Variants in ASIC1 observed in about 807,000 individuals in gnomAD.
ASIC1 encodes acid sensing ion channel subunit 1.
In ASIC1, 21 loss-of-function variants were observed where a neutral mutation model predicts 63.4. The ratio of observed to expected loss-of-function variants is 0.33; its 90% CI spans 0.23 to 0.48. The LOEUF (loss-of-function observed/expected upper bound fraction) is 0.48. Among genes scored for constraint, ASIC1 ranks in the 20% least tolerant of loss-of-function variants. The pLI, the probability that ASIC1 is intolerant of heterozygous loss-of-function variation, is 0.99. For missense variants in ASIC1, 478 were observed against 695.5 expected (o/e 0.69, Z 3.52); for synonymous variants, 258 against 278.2 (o/e 0.93, Z 0.72).
intron 1 of ASIC1, among the ~76,000 whole-genome samples, chr12:50,058,243 C>T (rs1348530843): frequency 6.6e-6 from 1 of 152,176 alleles, no homozygotes; most frequent in Non-Finnish European, 1.5e-5. Flanking sequence ...AGGCTGGGCC[C>T]CTCCCTAGAT....
chr12:50,079,079 C>T (rs1323584912), intron 7 of ASIC1, 99 bp downstream of exon 7: 3 of 1,215,876 alleles, frequency 2.5e-6, no homozygotes, highest in Non-Finnish European at 3.6e-6. Context: ...CCTCACATAA[C>T]TCCTGGACTG....
chr12:50,081,851 A>C lies in ASIC1; in HGVS notation c.*202A>C. The C allele has an allele frequency of 3.4e-6, 2 of 583,328 alleles. No individual in the cohort carries two copies. Among genetic ancestry groups the C allele is most frequent in the South Asian group, 2.1e-5 (1 of 46,638 alleles). The allele number at this position is 583,328 out of a possible 1,614,324, so 36.1% of individuals were successfully genotyped here. ...ATTCTTTTTACATTTAACAAAACTA[A>C]TCTAAAAAAGAACTAAAAAGGGAGA... On this transcript the variant is annotated 3_prime_UTR_variant, in exon 12 of 12. Coordinates refer to ENST00000447966, the MANE Select transcript of ASIC1 (RefSeq NM_001095.4).
chr12:50,058,630 G>A, intron 1 of ASIC1, 121 bp from the exon 2 acceptor site: 1 of 1,301,894 alleles, frequency 7.7e-7, no homozygotes. Flanking sequence ...AAGCAGGGAA[G>A]TCTTCTGCCC....
chr12:50,059,590 C>T lies in ASIC1; in HGVS notation c.363-169C>T, dbSNP rs547015927. Among the ~76,000 whole-genome samples, 24 of 152,300 alleles carry T rather than the reference C, an allele frequency of 1.6e-4. No individual in the cohort carries two copies. Among genetic ancestry groups the T allele is most frequent in the Non-Finnish European group, 2.4e-4 (16 of 68,026 alleles). ...CTGCCCCTGGGCAGCCACTACAGTT[C>T]CTCCTGTCATTTCAGACCCATGTGG... is the stretch of plus-strand genomic sequence containing the variant. On this transcript the variant is annotated intron_variant, in intron 2 of 11. Coordinates refer to ENST00000447966, the MANE Select transcript of ASIC1 (RefSeq NM_001095.4). The surrounding 1 kb of genome is among the most constrained non-coding windows in gnomAD (Gnocchi z 4.6).
At position 50,078,594 on chromosome 12, in the gene ASIC1, C is replaced by A; in HGVS notation, c.994+17C>A. The A allele has an allele frequency of 6.2e-7, 1 of 1,613,518 alleles. No homozygotes were observed. Among genetic ancestry groups the A allele is most frequent in the South Asian group, 1.1e-5 (1 of 91,068 alleles). Reference sequence around the variant, plus strand: ...ACATGCCAGGTCAGGCCTGGGGCTCCGAGCATACTCCTGGGGTCCCTGGGC... The same window carrying A: ...ACATGCCAGGTCAGGCCTGGGGCTCAGAGCATACTCCTGGGGTCCCTGGGC... On this transcript the variant is annotated intron_variant, in intron 6 of 11. Coordinates refer to ENST00000447966, the MANE Select transcript of ASIC1 (RefSeq NM_001095.4). The surrounding 1 kb of genome is among the most constrained non-coding windows in gnomAD (Gnocchi z 6.0).
intron 3 of ASIC1, among the ~76,000 whole-genome samples, chr12:50,075,209 G>C (rs1357308904): frequency 1.3e-5 from 2 of 152,142 alleles, no homozygotes; most frequent in Non-Finnish European, 2.9e-5. Flanking sequence ...GGGGCAGGGG[G>C]TGTCATCATA....
Position 50,059,930 on chromosome 12 carries a change from C to T in ASIC1, c.534C>T (p.Val178=). 6.2e-7 allele frequency: 1 copy of T among 1,614,064 alleles called. No homozygotes were observed. The highest frequency in any genetic ancestry group is 8.5e-7 in the Non-Finnish European group (1 of 1,180,002). ...TCTCCTGCCACTTCCGGGGGGAGGT[C>T]TGCAGCGCTGAAGACTTCAAGGTGG... is the stretch of plus-strand genomic sequence containing the variant. ...MLLSCHFRGE[V]CSAEDFKVVF... The change falls in exon 3 of 12, where the codon GTC becomes GTT. Residue 178 remains valine (V), a synonymous_variant. Transcript: ENST00000447966. This position sits in a 1 kb window ranked among gnomAD's most constrained non-coding sequence, Gnocchi z 4.6.
rs776423028 is a variant in ASIC1 at position 50,081,290 on chromosome 12, A to G, written c.1408A>G (p.Lys470Glu). Residue 470 changes from lysine to glutamate, a missense_variant, in exon 11 of 12, where the codon AAA becomes GAA. Transcript: ENST00000447966. ...TAAGCACAAGCTGTGCCGACGAGGA[A>G]AATGCCAGAAGGAGGCCAAAAGGAG... ...VIKHKLCRRG[K>E]CQKEAKRSSA... The G allele has an allele frequency of 2.5e-6, 4 of 1,610,324 alleles. No individual in the cohort carries two copies. The South Asian group carries it at 3.3e-5, about 13-fold the overall frequency.
At chr12:50,080,163 C>T (rs2137849409) in intron 8 of ASIC1, 108 bp downstream of exon 8, 1 of 1,442,110 alleles carries the variant, frequency 6.9e-7, no homozygotes, top group Non-Finnish European at 9.3e-7. Context: ...CTTGAGATAA[C>T]ACGGGGAAGG....
intron 3 of ASIC1, among the ~76,000 whole-genome samples, chr12:50,076,466 C>A (rs1428817584): frequency 3.4e-4 from 50 of 145,204 alleles, no homozygotes; most frequent in South Asian, 4.4e-4. Context: ...GACTCCATCC[C>A]AAAAAAAAAA....
At chr12:50,079,831 G>T in intron 7 of ASIC1, 71 bp from the exon 8 acceptor site, 1 of 1,524,618 alleles carries the variant, frequency 6.6e-7, no homozygotes, top group Admixed American at 2.0e-5. Context: ...GGCAGAGCTA[G>T]GATGTGCATG....
At chr12:50,073,707 G>C in intron 3 of ASIC1, 1 of 1,536,582 alleles carries the variant, frequency 6.5e-7, no homozygotes, top group Middle Eastern at 1.7e-4. Flanking sequence ...AATCGGAAGA[G>C]GAGGAAGAAG....
chr12:50,072,363 C>T (rs1307712285), intron 3 of ASIC1, among the ~76,000 whole-genome samples: 1 of 152,214 alleles, frequency 6.6e-6, no homozygotes, highest in Non-Finnish European at 1.5e-5. Context: ...CTTCTTGGCC[C>T]TGGAGACTTG....
At chr12:50,064,794 G>C (rs1157240360) in intron 3 of ASIC1, among the ~76,000 whole-genome samples, 1 of 152,250 alleles carries the variant, frequency 6.6e-6, no homozygotes, top group East Asian at 1.9e-4. Context: ...TCTGGGGATA[G>C]CGAGGGAGAC....
At position 50,079,898 on chromosome 12, in the gene ASIC1, G is replaced by T. The variant is rs575174823; in HGVS notation, c.1052-4G>T. The T allele has an allele frequency of 3.8e-6, 6 of 1,599,792 alleles. No individual in the cohort carries two copies. In the South Asian group the frequency reaches 5.7e-5, roughly 15 times the overall value. ...ACTGAGACCTCTCACCTGGCTGAGT[G>T]CAGACTTCCTGGTGGAGAAGGACCA... On this transcript the variant is annotated splice_polypyrimidine_tract_variant and splice_region_variant and intron_variant, in intron 7 of 11. Transcript: ENST00000447966.
intron 3 of ASIC1, among the ~76,000 whole-genome samples, chr12:50,072,501 C>T (rs1950609627): frequency 6.6e-6 from 1 of 152,046 alleles, no homozygotes; most frequent in African/African-American, 2.4e-5. Context: ...CGGGAGTCTG[C>T]AAGGCTGAGG....
In ASIC1 at chr12:50,058,804, T is replaced by C. The variant is rs1592263193; in HGVS notation, c.38T>C (p.Val13Ala). ...GCCGAGGAGGAGGAGGTGGGTGGCG[T>C]CCAGCCGGTGAGCATCCAGGCCTTC... ...LKAEEEEVGGVQPVSIQAFAS... is the reference protein window; with the variant it reads ...LKAEEEEVGGAQPVSIQAFAS... The change falls in exon 2 of 12, where the codon GTC becomes GCC. Residue 13 changes from valine (V) to alanine (A), a missense_variant. By Grantham distance (64) the Val-to-Ala change is moderately conservative. Coordinates refer to ENST00000447966, the MANE Select transcript of ASIC1 (RefSeq NM_001095.4). 1 of 1,598,616 alleles carries C rather than the reference T, an allele frequency of 6.3e-7. No individual in the cohort carries two copies. The highest frequency in any genetic ancestry group is 8.6e-7 in the Non-Finnish European group (1 of 1,169,140).
In ASIC1 at chr12:50,075,424, G is replaced by T. The variant is rs147965373; in HGVS notation, c.559-1789G>T. On this transcript the variant is annotated intron_variant, in intron 3 of 11. Coordinates refer to ENST00000447966, the MANE Select transcript of ASIC1 (RefSeq NM_001095.4). Reference sequence around the variant, plus strand: ...CCGGCGCAAGACAGGGCTGCTAGCCGGCCTCAGACACCTCTAATCCCATAC... The same window carrying T: ...CCGGCGCAAGACAGGGCTGCTAGCCTGCCTCAGACACCTCTAATCCCATAC... 4.6e-5 allele frequency among the ~76,000 whole-genome samples: 7 copies of T among 152,312 alleles called. No homozygotes were observed. The East Asian group carries it at 1.4e-3, about 29-fold the overall frequency.
rs1197300695 is a variant in ASIC1, at chr12:50,083,171, C to T, written c.*1522C>T. 6.6e-6 allele frequency: 1 copy of T among 152,270 alleles called. No homozygotes were observed. The highest frequency in any genetic ancestry group is 2.4e-5 in the African/African-American group (1 of 41,456). The allele number at this position is 152,270 out of a possible 1,614,324, so 9.4% of individuals were successfully genotyped here. A position where few individuals can be genotyped will look rare whatever the true frequency, so the allele number is the denominator to read the frequency against. On this transcript the variant is annotated 3_prime_UTR_variant, in exon 12 of 12. Coordinates refer to ENST00000447966, the MANE Select transcript of ASIC1 (RefSeq NM_001095.4). ...CTGGGTGCCCAGCCCCCTTTCCTCA[C>T]CTGATACCCAAGCCCACCACTTTTA...
Sources: allele counts gnomAD v4.1 joint callset (sites outside exome capture counted in the v4.1 genomes callset), GRCh38; gene constraint gnomAD v4.1.1; non-coding constraint Gnocchi (gnomAD v3.1); transcripts MANE v1.5; gene names NCBI Gene and HGNC (gene_info 2026-07-23, HGNC 2026-07-21).